The following CDON variants were observed in gnomAD, a reference collection of about 807,000 sequenced individuals.
CDON encodes cell adhesion molecule-related/down-regulated by oncogenes.
A neutral mutation model predicts 120.9 loss-of-function variants in CDON; 73 were observed. The observed-to-expected ratio is 0.60, with a 90% confidence interval of 0.50 to 0.73. The LOEUF is 0.73. CDON is among the 30% of genes least tolerant of loss of function. The pLI, the probability that CDON is intolerant of heterozygous loss-of-function variation, is 0.00. For missense variants in CDON, 1,470 were observed against 1,587.3 expected, an observed-to-expected ratio of 0.93 and a Z score of 1.26; for synonymous variants, 566 against 573.5, an observed-to-expected ratio of 0.99 and a Z score of 0.19.
intron 1 of CDON, among the ~76,000 whole-genome samples, chr11:126,046,376 T>A (rs1948407087): frequency 6.6e-6 from 1 of 152,192 alleles, no homozygotes. Flanking sequence ...TTCTCCTGCA[T>A]ACATGTTCAA....
intron 1 of CDON, among the ~76,000 whole-genome samples, chr11:126,054,816 T>C (rs772897970): frequency 3.8e-4 from 58 of 152,246 alleles, no homozygotes; most frequent in Non-Finnish European, 6.5e-4. Flanking sequence ...GGTGGGCCAA[T>C]GGTACATAGG....
At chr11:126,057,528 GCCTGC>G (rs1432396599) in intron 1 of CDON, among the ~76,000 whole-genome samples, 4 of 152,158 alleles carry the variant, frequency 2.6e-5, no homozygotes, top group Admixed American at 6.5e-5. Context: ...AATAGCTGCT[GCCTGC>G]TAGCAAGAGG....
chr11:126,008,605 C>CTA (rs1947197044), intron 8 of CDON, among the ~76,000 whole-genome samples: 1 of 152,066 alleles, frequency 6.6e-6, no homozygotes, highest in Non-Finnish European at 1.5e-5. Context: ...GTTTCATCAG[C>CTA]CATAAAACTA....
chr11:126,003,317 A>G (rs1173084806), intron 10 of CDON, among the ~76,000 whole-genome samples: 2 of 152,190 alleles, frequency 1.3e-5, no homozygotes, highest in African/African-American at 4.8e-5. Context: ...ATCAAAGTAT[A>G]AGCTCTGTCG....
chr11:125,979,227 T>G (rs1329873362), intron 17 of CDON, among the ~76,000 whole-genome samples: 1 of 152,208 alleles, frequency 6.6e-6, no homozygotes, highest in African/African-American at 2.4e-5. Flanking sequence ...TTCAGGCAAT[T>G]GTTTTTCCTA....
At chr11:126,042,923 G>A (rs597724) in intron 1 of CDON, among the ~76,000 whole-genome samples, 24,237 of 152,018 alleles carry the variant, frequency 0.16, 2,150 homozygotes, top group Middle Eastern at 0.26. Context: ...TCGCCTGGCC[G>A]ATTTTACATA....
At position 125,979,595 on chromosome 11, in the gene CDON, T is replaced by C. The variant is rs948751764; in HGVS notation, c.3277-1212A>G. ...TAGAATCACAGATAACTTCTGACAT[T>C]GTACACCAAATGGGGCACCTATTAT... is the stretch of plus-strand genomic sequence containing the variant. On this transcript the variant is annotated intron_variant, in intron 17 of 19. Coordinates refer to ENST00000531738, the MANE Select transcript of CDON (RefSeq NM_001378964.1). Among the ~76,000 whole-genome samples, 67 of 152,184 alleles carry C rather than the reference T, an allele frequency of 4.4e-4. 4 individuals carry two copies. Among genetic ancestry groups the C allele is most frequent in the Non-Finnish European group, 1.5e-5 (1 of 68,028 alleles).
At chr11:126,004,219 C>T in intron 9 of CDON, 143 bp from the exon 10 acceptor site, 3 of 797,030 alleles carry the variant, frequency 3.8e-6, no homozygotes, top group Middle Eastern at 6.8e-4. Context: ...AAAAAAGACA[C>T]AATACTTCTT....
chr11:125,971,355 C>G (rs1246831787), intron 18 of CDON, among the ~76,000 whole-genome samples: 1 of 149,956 alleles, frequency 6.7e-6, no homozygotes, highest in Non-Finnish European at 1.5e-5. Flanking sequence ...TGCACTCCAG[C>G]CTGGGCGACA....
At chr11:126,029,131 A>G (rs913932619) in intron 1 of CDON, among the ~76,000 whole-genome samples, 3 of 152,236 alleles carry the variant, frequency 2.0e-5, no homozygotes, top group Admixed American at 1.3e-4. Context: ...AAGTGTGGAT[A>G]CGAATCTTGA....
chr11:126,025,414 G>A (rs1947766819), intron 1 of CDON, among the ~76,000 whole-genome samples: 1 of 152,058 alleles, frequency 6.6e-6, no homozygotes, highest in Non-Finnish European at 1.5e-5. Context: ...TGGGAAGACA[G>A]GAAACAGAAA....
chr11:125,962,887 A>G (rs949907485), intron 18 of CDON, among the ~76,000 whole-genome samples: 4 of 152,184 alleles, frequency 2.6e-5, no homozygotes, highest in Non-Finnish European at 4.4e-5. Flanking sequence ...ACATATTTAT[A>G]ATGGCTGCTT....
In CDON at chr11:126,017,333, G is replaced by A. The variant is rs1947499606; in HGVS notation, c.683C>T (p.Ser228Leu). ...DDVHILHPTH[S>L]QALAVLSRSP... ...ACGAGAAAGAACAGCTAATGCCTGTGAATGGGTGGGGTGAAGAATGTGAAC... is the reference window on the plus strand; with the variant it reads ...ACGAGAAAGAACAGCTAATGCCTGTAAATGGGTGGGGTGAAGAATGTGAAC... The change falls in exon 6 of 20, where the codon TCA (serine) becomes TTA (leucine). Residue 228 changes from serine to leucine, a missense_variant. Coordinates refer to ENST00000531738, the MANE Select transcript of CDON (RefSeq NM_001378964.1). 1 of 1,614,040 alleles carries A rather than the reference G, an allele frequency of 6.2e-7. No individual in the cohort carries two copies. Among genetic ancestry groups the A allele is most frequent in the African/African-American group, 1.3e-5 (1 of 74,930 alleles).
chr11:126,018,271 C>T (rs1482107564), intron 5 of CDON, 59 bp downstream of exon 5: 4 of 1,544,628 alleles, frequency 2.6e-6, no homozygotes, highest in East Asian at 2.2e-5. Flanking sequence ...ACTATCATTG[C>T]CCAACTTTTT....
chr11:125,977,245 T>C (rs1487173604), intron 18 of CDON, among the ~76,000 whole-genome samples: 2 of 152,194 alleles, frequency 1.3e-5, no homozygotes, highest in Non-Finnish European at 2.9e-5. Context: ...GGCTCTTTTA[T>C]AGACACCCTG....
rs781775355 is a variant in CDON, at chr11:125,981,327, AT to A, written c.2997del (p.Lys999AsnfsTer14). On this transcript the variant is annotated frameshift_variant and splice_region_variant, in exon 17 of 20. Coordinates refer to ENST00000531738, the MANE Select transcript of CDON (RefSeq NM_001378964.1). LOFTEE classifies it high-confidence loss of function. The stretch of plus-strand genomic sequence containing the variant: ...TGGTAGAGATATCCTGGTGGGTCAT[AT>A]TCTGTTAAAAGAGAACAAAAAAGAC... ...WKNRQQNTIQ[K>X]YDPPGYLYQG... 35 of 1,612,172 alleles carry A rather than the reference AT, an allele frequency of 2.2e-5. No homozygotes were observed. Among genetic ancestry groups the A allele is most frequent in the Non-Finnish European group, 3.0e-5 (35 of 1,180,002 alleles).
At chr11:125,981,965 A>ATTTCCT (rs1946318366) in intron 16 of CDON, among the ~76,000 whole-genome samples, 1 of 34,428 alleles carries the variant, frequency 2.9e-5, no homozygotes, top group African/African-American at 8.2e-5. Context: ...AAGTGATTCT[A>ATTTCCT]TTTTCTTTTT....
At chr11:125,996,179 C>T (rs978228128) in intron 12 of CDON, among the ~76,000 whole-genome samples, 4 of 151,230 alleles carry the variant, frequency 2.6e-5, no homozygotes, top group South Asian at 4.2e-4. Context: ...CACACACACA[C>T]ACACACACAC....
chr11:126,036,256 C>G (rs1293306041), intron 1 of CDON, among the ~76,000 whole-genome samples: 2 of 152,164 alleles, frequency 1.3e-5, no homozygotes, highest in East Asian at 3.8e-4. Flanking sequence ...CACATATAGT[C>G]TTAACTCCAA....
Sources: gnomAD v4.1 joint callset for allele counts (sites outside exome capture counted in the v4.1 genomes callset) on GRCh38, gnomAD v4.1.1 for gene constraint, MANE v1.5 for transcripts, NCBI Gene and HGNC (gene_info 2026-07-23, HGNC 2026-07-21) for gene names.